The following WEE1 variants were observed in gnomAD, a reference collection of about 807,000 sequenced individuals.
WEE1 encodes the protein WEE1 G2 checkpoint kinase, also known as wee1-like protein kinase.
WEE1 carries 16 observed loss-of-function variants against 68.8 expected under a neutral mutation model. That is an observed-to-expected ratio of 0.23 (90% CI 0.16 to 0.35). The LOEUF (loss-of-function observed/expected upper bound fraction) is 0.35, where lower values mean the gene tolerates loss of function less well. WEE1 is among the 10% of genes least tolerant of loss of function. The pLI, the probability that WEE1 is intolerant of heterozygous loss-of-function variation, is 1.00. For missense variants in WEE1, 651 were observed against 824.1 expected, an observed-to-expected ratio of 0.79 and a Z score of 2.57; for synonymous variants, 349 against 318.7, an observed-to-expected ratio of 1.09 and a Z score of -1.01.
chr11:9,581,488 TATTTC>T (rs780766851), intron 5 of WEE1, 39 bp from the exon 6 acceptor site: 3 of 1,548,580 alleles, frequency 1.9e-6, no homozygotes, highest in South Asian at 1.2e-5. Flanking sequence ...AGAAAGAAAA[TATTTC>T]AGAAAGAAGA....
In WEE1 at chr11:9,576,131, C is replaced by T; in HGVS notation, c.782+38C>T. Reference sequence around the variant, plus strand: ...TTTAACAGTTTGGTTCTCCAAATAACCTAAGATTGGTTTGGTATACTTATC... The same window carrying T: ...TTTAACAGTTTGGTTCTCCAAATAATCTAAGATTGGTTTGGTATACTTATC... On this transcript the variant is annotated intron_variant, in intron 2 of 10. Transcript: ENST00000450114. The surrounding 1 kb of genome is among the most constrained non-coding windows in gnomAD (Gnocchi z 4.3). 6.2e-7 allele frequency: 1 copy of T among 1,611,842 alleles called. No individual in the cohort carries two copies. Among genetic ancestry groups the T allele is most frequent in the East Asian group, 2.2e-5 (1 of 44,838 alleles).
intron 6 of WEE1, 89 bp downstream of exon 6, chr11:9,581,767 T>C: frequency 7.6e-7 from 1 of 1,314,988 alleles, no homozygotes; most frequent in Non-Finnish European, 1.0e-6. Flanking sequence ...AATATATATC[T>C]TCTGTTTTCT....
At chr11:9,577,316 A>G (rs1216537753) in intron 5 of WEE1, 53 bp downstream of exon 5, 4 of 1,584,068 alleles carry the variant, frequency 2.5e-6, no homozygotes, top group Non-Finnish European at 3.4e-6. Context: ...CATCGAGGAA[A>G]TATTTATGGT....
chr11:9,588,557 T>G lies in WEE1; in HGVS notation c.1896T>G (p.Leu632=). 6.2e-7 allele frequency: 1 copy of G among 1,610,642 alleles called. No homozygotes were observed. ...STTQSNRTSR[L]IGKKMNRSVS... Reference sequence around the variant, plus strand: ...CCCAGAGTAATAGAACATCTCGACTTATTGGAAAGAAAATGAACCGCTCTG... The same window carrying G: ...CCCAGAGTAATAGAACATCTCGACTGATTGGAAAGAAAATGAACCGCTCTG... Residue 632 remains leucine, a synonymous_variant, in exon 11 of 11, where the codon CTT becomes CTG. Transcript: ENST00000450114.
chr11:9,587,855 A>G (rs952294672), intron 10 of WEE1, among the ~76,000 whole-genome samples: 4 of 152,292 alleles, frequency 2.6e-5, no homozygotes, highest in African/African-American at 9.6e-5. Context: ...TTTACTTGCC[A>G]CTAGTTTGAT....
At chr11:9,578,066 A>G (rs770883110) in intron 5 of WEE1, 1 of 351,322 alleles carries the variant, frequency 2.8e-6, no homozygotes, top group Non-Finnish European at 5.5e-6. Context: ...TTGGGTTTTC[A>G]TACTCAAGTG....
At position 9,589,673 on chromosome 11, in the gene WEE1, G is replaced by C; in HGVS notation, c.*1071G>C. Reference sequence around the variant, plus strand: ...GTCTGTTTGTTTTCTCATTAATTTTGGTCTAAAACATGTTTGCACTTGTCT... The same window carrying C: ...GTCTGTTTGTTTTCTCATTAATTTTCGTCTAAAACATGTTTGCACTTGTCT... On this transcript the variant is annotated 3_prime_UTR_variant, in exon 11 of 11. Coordinates refer to ENST00000450114, the MANE Select transcript of WEE1 (RefSeq NM_003390.4). 1.0e-6 allele frequency: 1 copy of C among 985,400 alleles called. No individual in the cohort carries two copies. Among genetic ancestry groups the C allele is most frequent in the Non-Finnish European group, 1.2e-6 (1 of 829,728 alleles). 61.0% of individuals were successfully genotyped at this position (985,400 alleles called of 1,614,324 possible).
Position 9,576,768 on chromosome 11 carries a change from G to C in WEE1, c.1019+109G>C. 1 of 1,187,926 alleles carries C rather than the reference G, an allele frequency of 8.4e-7. No homozygotes were observed. Among genetic ancestry groups the C allele is most frequent in the Non-Finnish European group, 1.2e-6 (1 of 850,620 alleles). 73.6% of individuals were successfully genotyped at this position (1,187,926 alleles called of 1,614,324 possible). A position where few individuals can be genotyped will look rare whatever the true frequency, so the allele number is the denominator to read the frequency against. On this transcript the variant is annotated intron_variant, in intron 4 of 10. Coordinates refer to ENST00000450114, the MANE Select transcript of WEE1 (RefSeq NM_003390.4). This position sits in a 1 kb window ranked among gnomAD's most constrained non-coding sequence, Gnocchi z 4.3. ...TTCCATCTCTAACTTTTGAGAAGCT[G>C]TAATGATTTAATCAGGTCCTTTTCA... is the stretch of plus-strand genomic sequence containing the variant.
At chr11:9,581,752 G>GA in intron 6 of WEE1, 74 bp downstream of exon 6, 1 of 1,402,524 alleles carries the variant, frequency 7.1e-7, no homozygotes, top group Non-Finnish European at 9.6e-7. Context: ...TGACAACATT[G>GA]AAAAAATATA....
In WEE1 at chr11:9,586,854, A is replaced by G; in HGVS notation, c.1785A>G (p.Gln595=). Residue 595 remains glutamine, a splice_region_variant and synonymous_variant, in exon 10 of 11, where the codon CAA becomes CAG. Transcript: ENST00000450114. ...NAEKFKNSLL[Q]KELKKAQMAK... The stretch of plus-strand genomic sequence containing the variant: ...AAAAGTTCAAAAATTCACTTTTACA[A>G]AAGTAAGTGAGGGTTTTATGTTTTC... 1 of 1,602,636 alleles carries G rather than the reference A, an allele frequency of 6.2e-7. No homozygotes were observed. Among genetic ancestry groups the G allele is most frequent in the Non-Finnish European group, 8.5e-7 (1 of 1,177,052 alleles).
chr11:9,576,185 A>T lies in WEE1; in HGVS notation c.783-45A>T. The T allele has an allele frequency of 6.3e-7, 1 of 1,591,388 alleles. No individual in the cohort carries two copies. The highest frequency in any genetic ancestry group is 8.6e-7 in the Non-Finnish European group (1 of 1,165,350). ...ATTTAGTTCCTATTTAATGGCATGG[A>T]TGTATCTGTCAGATATATTGATAGA... On this transcript the variant is annotated intron_variant, in intron 2 of 10. Coordinates refer to ENST00000450114, the MANE Select transcript of WEE1 (RefSeq NM_003390.4). The surrounding 1 kb of genome is among the most constrained non-coding windows in gnomAD (Gnocchi z 4.3).
intron 8 of WEE1, among the ~76,000 whole-genome samples, chr11:9,586,225 T>C (rs1007908647): frequency 2.0e-5 from 3 of 152,232 alleles, no homozygotes; most frequent in South Asian, 2.1e-4. Flanking sequence ...TTTACTCTTA[T>C]CTATGTGTTT....
intron 10 of WEE1, among the ~76,000 whole-genome samples, chr11:9,587,967 T>A (rs1165143858): frequency 9.2e-6 from 1 of 108,650 alleles, no homozygotes; most frequent in Non-Finnish European, 2.1e-5. Flanking sequence ...AATTATTATT[T>A]ATTTTTAATT....
chr11:9,587,533 A>G (rs370596659), intron 10 of WEE1, among the ~76,000 whole-genome samples: 2 of 152,316 alleles, frequency 1.3e-5, no homozygotes, highest in African/African-American at 4.8e-5. Flanking sequence ...AAAGGATGAA[A>G]TTAATGTCAA....
In WEE1 at chr11:9,575,911, A is replaced by T. The variant is rs1485595492; in HGVS notation, c.600A>T (p.Gly200=). ...TPKSLLSKAR[G]IDSSSVKLRG... ...AGAGTTTGCTCTCCAAAGCTCGGGG[A>T]ATTGATTCCAGCTCTGTTAAACTCC... The change falls in exon 2 of 11, where the codon GGA becomes GGT. Residue 200 remains glycine (G), a synonymous_variant. Coordinates refer to ENST00000450114, the MANE Select transcript of WEE1 (RefSeq NM_003390.4). The T allele has an allele frequency of 9.9e-6, 16 of 1,614,108 alleles. No homozygotes were observed. Among genetic ancestry groups the T allele is most frequent in the Non-Finnish European group, 1.4e-5 (16 of 1,180,022 alleles).
chr11:9,580,109 T>C (rs1849608029), intron 5 of WEE1: 1 of 152,246 alleles, frequency 6.6e-6, no homozygotes, highest in South Asian at 2.1e-4. Flanking sequence ...AAATTATAAC[T>C]ATACTAAAAT....
At chr11:9,587,537 A>G (rs1849715436) in intron 10 of WEE1, among the ~76,000 whole-genome samples, 1 of 152,202 alleles carries the variant, frequency 6.6e-6, no homozygotes, top group Admixed American at 6.5e-5. Flanking sequence ...GATGAAATTA[A>G]TGTCAATTTG....
intron 1 of WEE1, chr11:9,575,093 C>T (rs768811230): frequency 3.0e-6 from 3 of 985,350 alleles, no homozygotes; most frequent in Non-Finnish European, 2.4e-6. Context: ...ATCCTAAGTC[C>T]AGGCAGTACT....
chr11:9,577,519 G>A, intron 5 of WEE1: 1 of 418,362 alleles, frequency 2.4e-6, no homozygotes, highest in South Asian at 2.5e-5. Flanking sequence ...CAAGACTATG[G>A]CCTCGACACA....
Sources: allele counts gnomAD v4.1 joint callset (sites outside exome capture counted in the v4.1 genomes callset), GRCh38; gene constraint gnomAD v4.1.1; non-coding constraint Gnocchi (gnomAD v3.1); transcripts MANE v1.5; gene names NCBI Gene and HGNC (gene_info 2026-07-23, HGNC 2026-07-21).